The following DCAF8 variants were observed in gnomAD, a reference collection of about 807,000 sequenced individuals.
The protein encoded by DCAF8 is DDB1 and CUL4 associated factor 8, also known as DDB1- and CUL4-associated factor 8.
In DCAF8, 20 loss-of-function variants were observed where a neutral mutation model predicts 68.0. That is an observed-to-expected ratio of 0.29 (90% CI 0.21 to 0.43). The LOEUF is 0.43. DCAF8 is among the 20% of genes least tolerant of loss of function. The probability of loss-of-function intolerance (pLI) is 1.00; values close to 1 mark genes in which losing one functional copy is unlikely to be tolerated. For missense variants in DCAF8, 460 were observed against 771.0 expected, an observed-to-expected ratio of 0.60 and a Z score of 4.78; for synonymous variants, 230 against 276.9, an observed-to-expected ratio of 0.83 and a Z score of 1.68.
chr1:160,232,370 C>T (rs575819271), intron 6 of DCAF8, among the ~76,000 whole-genome samples: 14 of 151,932 alleles, frequency 9.2e-5, no homozygotes, highest in Non-Finnish European at 1.6e-4. Context: ...AAGCCGGGTG[C>T]GGTGGCTCAC....
chr1:160,249,305 TTGAA>T (rs1403016661), intron 2 of DCAF8, among the ~76,000 whole-genome samples: 2 of 152,198 alleles, frequency 1.3e-5, no homozygotes, highest in East Asian at 1.9e-4. Context: ...AAACACTTAT[TTGAA>T]TGGTCAAAAA....
chr1:160,225,734 A>G, intron 7 of DCAF8, 71 bp from the exon 8 acceptor site: 1 of 1,286,676 alleles, frequency 7.8e-7, no homozygotes, highest in Non-Finnish European at 1.1e-6. Flanking sequence ...AATTTGATGT[A>G]GTGGCAGGAA....
chr1:160,218,214 G>A (rs1425708813), intron 13 of DCAF8, 110 bp downstream of exon 13: 2 of 823,032 alleles, frequency 2.4e-6, no homozygotes, highest in Non-Finnish European at 4.2e-6. Flanking sequence ...ACAGTGGATA[G>A]GAAATCCGAC....
intron 11 of DCAF8, chr1:160,220,943 T>A (rs1402627548): frequency 6.6e-6 from 1 of 152,178 alleles, no homozygotes; most frequent in Admixed American, 6.5e-5. Context: ...ACCACATCGA[T>A]CATTCAGCTT....
intron 6 of DCAF8, 111 bp downstream of exon 6, chr1:160,237,024 T>C (rs1233307649): frequency 1.5e-6 from 1 of 686,884 alleles, no homozygotes; most frequent in Non-Finnish European, 2.4e-6. Context: ...CTCTTAACCA[T>C]AGGCACAAAG....
In DCAF8 at chr1:160,243,424, T is replaced by TA. The variant is rs1553197205; in HGVS notation, c.49+535dup. 3.1e-4 allele frequency among the ~76,000 whole-genome samples: 46 copies of TA among 146,682 alleles called. 1 individual carries two copies. The highest frequency in any genetic ancestry group is 6.8e-3 in the Middle Eastern group (2 of 292). ...TAATCACCTTTTTTTTTTTTTTTTT[T>TA]AAAAAGACGGGGTCTCGCTATGTTG... On this transcript the variant is annotated intron_variant, in intron 3 of 13. Coordinates refer to ENST00000368074, the MANE Select transcript of DCAF8 (RefSeq NM_015726.4).
intron 2 of DCAF8, 138 bp downstream of exon 2, chr1:160,261,147 A>G (rs1315239889): frequency 1.3e-5 from 2 of 152,254 alleles, no homozygotes. Context: ...ATTCAACCAG[A>G]GCTGGAACAA....
At position 160,218,325 on chromosome 1, in the gene DCAF8, C is replaced by T. The variant is rs142007100; in HGVS notation, c.1676G>A (p.Arg559Gln). Reference protein sequence around the residue: ...MHHLRQRRHHRRWREPGVGAT... With the variant: ...MHHLRQRRHHQRWREPGVGAT... Reference sequence around the variant, plus strand: ...AATTCATTTCCAACCCTAGCTTACCCGGTGATGGCGTCTCTGTCTCAGGTG... The same window carrying T: ...AATTCATTTCCAACCCTAGCTTACCTGGTGATGGCGTCTCTGTCTCAGGTG... The change falls in exon 13 of 14, where the codon CGG (arginine) becomes CAG (glutamine). Residue 559 changes from arginine (R) to glutamine (Q), a missense_variant and splice_region_variant. Physicochemically the swap from Arg to Gln is conservative, Grantham distance 43. This residue lies in a region of DCAF8 where 80 missense variants were observed against 115.1 expected (regional missense o/e 0.70). Coordinates refer to ENST00000368074, the MANE Select transcript of DCAF8 (RefSeq NM_015726.4). 1.1e-5 allele frequency: 17 copies of T among 1,612,550 alleles called. No individual in the cohort carries two copies. In the African/African-American group the frequency reaches 1.7e-4, roughly 16 times the overall value.
intron 2 of DCAF8, among the ~76,000 whole-genome samples, chr1:160,259,135 T>G (rs1374296694): frequency 6.6e-6 from 1 of 152,174 alleles, no homozygotes; most frequent in Non-Finnish European, 1.5e-5. Context: ...GTACTTAATT[T>G]TCATGTGCCC....
chr1:160,238,492 G>A, intron 5 of DCAF8, 115 bp downstream of exon 5: 1 of 1,169,834 alleles, frequency 8.5e-7, no homozygotes. Context: ...GACTGAAAGA[G>A]GTGAGGCACA....
intron 11 of DCAF8, 110 bp downstream of exon 11, chr1:160,222,541 T>G: frequency 5.5e-6 from 8 of 1,452,532 alleles, no homozygotes; most frequent in Non-Finnish European, 7.5e-6. Context: ...TGGCTGGACC[T>G]CTAAAACATG....
chr1:160,235,370 G>A (rs1431821691), intron 6 of DCAF8, among the ~76,000 whole-genome samples: 1 of 151,940 alleles, frequency 6.6e-6, no homozygotes, highest in Non-Finnish European at 1.5e-5. Flanking sequence ...CTGACCTCAA[G>A]TGATCCACAA....
At chr1:160,228,806 A>G (rs1655567974) in intron 7 of DCAF8, among the ~76,000 whole-genome samples, 1 of 152,228 alleles carries the variant, frequency 6.6e-6, no homozygotes, top group African/African-American at 2.4e-5. Flanking sequence ...GATATATAAT[A>G]TTCAGCAAAA....
chr1:160,248,167 C>A (rs563792771), intron 2 of DCAF8, among the ~76,000 whole-genome samples: 1 of 151,954 alleles, frequency 6.6e-6, no homozygotes, highest in Non-Finnish European at 1.5e-5. Context: ...ATTAGCCGGG[C>A]GTGGTGGCAC....
chr1:160,262,200 G>C (rs976087797), intron 1 of DCAF8: 1 of 397,034 alleles, frequency 2.5e-6, no homozygotes, highest in Non-Finnish European at 4.4e-6. Flanking sequence ...CTTGGGATAC[G>C]GGTCAGGCCC....
In DCAF8 at chr1:160,237,138, G is replaced by A. The variant is rs1431324556; in HGVS notation, c.956C>T (p.Ala319Val). Residue 319 changes from alanine (A) to valine (V), a missense_variant, in exon 6 of 14, where the codon GCG becomes GTG. Physicochemically the swap from Ala to Val is moderately conservative, Grantham distance 64 (BLOSUM62 0). Coordinates refer to ENST00000368074, the MANE Select transcript of DCAF8 (RefSeq NM_015726.4). ...ATGATATTACTGCTACACTTACGACGCTGGGCGGTCTTGTCTCAGGTCAAT... is the reference window on the plus strand; with the variant it reads ...ATGATATTACTGCTACACTTACGACACTGGGCGGTCTTGTCTCAGGTCAAT... ...FTIDLRQDRP[A>V]SKLVVTKEKE... The A allele has an allele frequency of 7.7e-6, 12 of 1,561,776 alleles. No individual in the cohort carries two copies. The highest frequency in any genetic ancestry group is 8.7e-6 in the Non-Finnish European group (10 of 1,149,996).
At position 160,216,529 on chromosome 1, in the gene DCAF8, C is replaced by T. The variant is rs1251058573; in HGVS notation, c.*1063G>A. ...CCAACCCCTACACCAAAGCAGGGAA[C>T]CAGGAAGGGCAGAAATGAGGATCCT... On this transcript the variant is annotated 3_prime_UTR_variant, in exon 14 of 14. Transcript: ENST00000368074. 6.6e-6 allele frequency: 1 copy of T among 152,554 alleles called. No individual in the cohort carries two copies. Among genetic ancestry groups the T allele is most frequent in the African/African-American group, 2.4e-5 (1 of 41,418 alleles). The allele number at this position is 152,554 out of a possible 1,614,324, so 9.5% of individuals were successfully genotyped here. A position where few individuals can be genotyped will look rare whatever the true frequency, so the allele number is the denominator to read the frequency against.
chr1:160,250,850 A>AT (rs941503842), intron 2 of DCAF8, among the ~76,000 whole-genome samples: 2 of 151,984 alleles, frequency 1.3e-5, no homozygotes, highest in African/African-American at 2.4e-5. Flanking sequence ...TATGCTCTTT[A>AT]TTTTTTTTAA....
At chr1:160,227,212 T>G (rs1239126018) in intron 7 of DCAF8, among the ~76,000 whole-genome samples, 2 of 152,158 alleles carry the variant, frequency 1.3e-5, no homozygotes, top group African/African-American at 2.4e-5. Flanking sequence ...GACACACCCA[T>G]GAACAACACT....
Sources: gnomAD v4.1 joint callset for allele counts (sites outside exome capture counted in the v4.1 genomes callset) on GRCh38, gnomAD v4.1.1 for gene constraint, gnomAD v4.1.1 regional missense constraint, MANE v1.5 for transcripts, NCBI Gene and HGNC (gene_info 2026-07-23, HGNC 2026-07-21) for gene names.